The following PIK3CG variants were observed in gnomAD, a reference collection of about 807,000 sequenced individuals.
The protein encoded by PIK3CG is phosphatidylinositol 4,5-bisphosphate 3-kinase catalytic subunit gamma isoform.
PIK3CG carries 55 observed loss-of-function variants against 102.3 expected under a neutral mutation model. The ratio of observed to expected loss-of-function variants is 0.54; its 90% CI spans 0.43 to 0.67. The LOEUF is 0.67. PIK3CG is among the 30% of genes least tolerant of loss of function. The pLI is 0.00. For synonymous variants in PIK3CG, 552 were observed against 540.0 expected (o/e 1.02, Z -0.31); for missense variants, 1,258 against 1,391.8 (o/e 0.90, Z 1.53).
intron 7 of PIK3CG, 74 bp downstream of exon 7, chr7:106,882,281 A>G (rs1790964798): frequency 1.6e-6 from 1 of 618,382 alleles, no homozygotes; most frequent in South Asian, 3.0e-5. Context: ...CAGTGTAGAC[A>G]TTTAATAACT....
intron 7 of PIK3CG, 128 bp from the exon 8 acceptor site, chr7:106,882,905 T>C (rs1236083187): frequency 8.2e-6 from 6 of 731,016 alleles, no homozygotes; most frequent in South Asian, 2.1e-5. Flanking sequence ...ACCTGGAAAA[T>C]AGCTCTCTGG....
At chr7:106,876,153 A>G (rs1479013653) in intron 5 of PIK3CG, among the ~76,000 whole-genome samples, 1 of 151,272 alleles carries the variant, frequency 6.6e-6, no homozygotes, top group Non-Finnish European at 1.5e-5. Flanking sequence ...TGACCTCATG[A>G]TCCACCCGCC....
chr7:106,880,179 TCAATA>T lies in PIK3CG; in HGVS notation c.2538+515_2538+519del, dbSNP rs1790890445. Reference sequence around the variant, plus strand: ...TACTGTTAGGGCAGAAGGTGAATGGTCAATATATCAGTGCTAATTATTTTCATATT... The same window carrying T: ...TACTGTTAGGGCAGAAGGTGAATGGTTATCAGTGCTAATTATTTTCATATT... On this transcript the variant is annotated intron_variant, in intron 6 of 10. Transcript: ENST00000496166. This position sits in a 1 kb window ranked among gnomAD's most constrained non-coding sequence, Gnocchi z 4.2. 6.6e-6 allele frequency among the ~76,000 whole-genome samples: 1 copy of T among 152,220 alleles called. No homozygotes were observed. The highest frequency in any genetic ancestry group is 1.5e-5 in the Non-Finnish European group (1 of 68,034).
At chr7:106,882,998 C>T (rs2116543026) in intron 7 of PIK3CG, 35 bp from the exon 8 acceptor site, 3 of 1,610,116 alleles carry the variant, frequency 1.9e-6, no homozygotes, top group Non-Finnish European at 2.5e-6. Context: ...GTACTGGCCC[C>T]CAATCTCCAT....
In PIK3CG at chr7:106,865,924, T is replaced by A. The variant is rs17847824; in HGVS notation, c.-13+498T>A. ...TGTCAATATCAATGTATCTTACAGTTCTCTTCTTTGTTAGTTATTCTATAA... is the reference window on the plus strand; with the variant it reads ...TGTCAATATCAATGTATCTTACAGTACTCTTCTTTGTTAGTTATTCTATAA... On this transcript the variant is annotated intron_variant, in intron 1 of 10. Transcript: ENST00000496166. 40 of 152,366 alleles carry A rather than the reference T, an allele frequency of 2.6e-4. No individual in the cohort carries two copies. The East Asian group carries it at 7.3e-3, about 28-fold the overall frequency. The allele number at this position is 152,366 out of a possible 1,614,324, so 9.4% of individuals were successfully genotyped here.
At chr7:106,870,309 G>A (rs1790489272) in intron 2 of PIK3CG, among the ~76,000 whole-genome samples, 1 of 152,198 alleles carries the variant, frequency 6.6e-6, no homozygotes, top group Non-Finnish European at 1.5e-5. Context: ...GAGAGGACAA[G>A]TGATTTTTCT....
At position 106,903,054 on chromosome 7, in the gene PIK3CG, T is replaced by A. The variant is rs1243704144; in HGVS notation, c.3031-2055T>A. On this transcript the variant is annotated intron_variant, in intron 10 of 10. Transcript: ENST00000496166. This position sits in a 1 kb window ranked among gnomAD's most constrained non-coding sequence, Gnocchi z 4.3. ...CTGGTCCCATTTATCAAATAATAGA[T>A]CTTTTCCCCACCAATTTGAAAAGCC... 6.6e-6 allele frequency among the ~76,000 whole-genome samples: 1 copy of A among 152,148 alleles called. No homozygotes were observed. Among genetic ancestry groups the A allele is most frequent in the East Asian group, 1.9e-4 (1 of 5,200 alleles).
At chr7:106,875,293 G>A (rs1790686106) in intron 5 of PIK3CG, among the ~76,000 whole-genome samples, 1 of 150,664 alleles carries the variant, frequency 6.6e-6, no homozygotes, top group Non-Finnish European at 1.5e-5. Context: ...CTAGGAGGTG[G>A]AGGTTGCAGT....
chr7:106,882,481 C>T (rs1300270064), intron 7 of PIK3CG: 1 of 260,196 alleles, frequency 3.8e-6, no homozygotes, highest in Non-Finnish European at 7.2e-6. Flanking sequence ...TAAACTTTAA[C>T]TCATTTCATT....
At position 106,879,768 on chromosome 7, in the gene PIK3CG, A is replaced by G. The variant is rs1260674029; in HGVS notation, c.2538+103A>G. On this transcript the variant is annotated intron_variant, in intron 6 of 10. Transcript: ENST00000496166. This position sits in a 1 kb window ranked among gnomAD's most constrained non-coding sequence, Gnocchi z 4.9. ...GCTCTATTCCCACTCTCTTCTTTCA[A>G]GTGATGAATTGTGATCAAATATTAC... The G allele has an allele frequency of 2.3e-6, 2 of 851,318 alleles. No individual in the cohort carries two copies. The highest frequency in any genetic ancestry group is 1.8e-6 in the Non-Finnish European group (1 of 544,032). 52.7% of individuals were successfully genotyped at this position (851,318 alleles called of 1,614,324 possible). A position where few individuals can be genotyped will look rare whatever the true frequency, so the allele number is the denominator to read the frequency against.
At chr7:106,865,623 AT>A (rs2116406189) in intron 1 of PIK3CG, 197 bp downstream of exon 1, 1 of 152,316 alleles carries the variant, frequency 6.6e-6, no homozygotes, top group East Asian at 1.9e-4. Flanking sequence ...GGTGCATCAC[AT>A]TTTTGTTTTT....
intron 7 of PIK3CG, 101 bp from the exon 8 acceptor site, chr7:106,882,932 A>AAC: frequency 1.0e-6 from 1 of 982,466 alleles, no homozygotes; most frequent in Non-Finnish European, 1.4e-6. Context: ...AAAAAAAAAA[A>AAC]AAAAACCCTC....
chr7:106,899,441 A>G lies in PIK3CG; in HGVS notation c.3031-5668A>G, dbSNP rs986229573. Among the ~76,000 whole-genome samples the G allele has an allele frequency of 2.0e-5, 3 of 152,140 alleles. No individual in the cohort carries two copies. The highest frequency in any genetic ancestry group is 2.0e-4 in the Admixed American group (3 of 15,280). On this transcript the variant is annotated intron_variant, in intron 10 of 10. Coordinates refer to ENST00000496166, the MANE Select transcript of PIK3CG (RefSeq NM_001282426.2). This position sits in a 1 kb window ranked among gnomAD's most constrained non-coding sequence, Gnocchi z 4.6. Reference sequence around the variant, plus strand: ...AGAGAGGGGTTCCTTGTCTTGTGCCAGTTTTCAAGGGGAATGCTTCCAGCT... The same window carrying G: ...AGAGAGGGGTTCCTTGTCTTGTGCCGGTTTTCAAGGGGAATGCTTCCAGCT...
In PIK3CG at chr7:106,905,089, T is replaced by C. The variant is rs771441960; in HGVS notation, c.3031-20T>C. Reference sequence around the variant, plus strand: ...AGTTACCATAACAACAGTAACAGCATTTTCTTCTTCTTTATCCAGGACATC... The same window carrying C: ...AGTTACCATAACAACAGTAACAGCACTTTCTTCTTCTTTATCCAGGACATC... On this transcript the variant is annotated intron_variant, in intron 10 of 10. Transcript: ENST00000496166. This position sits in a 1 kb window ranked among gnomAD's most constrained non-coding sequence, Gnocchi z 5.6. The C allele has an allele frequency of 6.2e-7, 1 of 1,606,270 alleles. No homozygotes were observed. The highest frequency in any genetic ancestry group is 1.1e-5 in the South Asian group (1 of 90,294).
intron 9 of PIK3CG, 28 bp from the exon 10 acceptor site, chr7:106,886,107 A>G: frequency 6.2e-7 from 1 of 1,605,400 alleles, no homozygotes; most frequent in East Asian, 2.2e-5. Flanking sequence ...TGCCACTGTA[A>G]TGATGTCAGA....
rs1562803606 is a variant in PIK3CG, at chr7:106,903,541, A to ACAATAAC, written c.3031-1568_3031-1567insCAATAAC. On this transcript the variant is annotated intron_variant, in intron 10 of 10. Coordinates refer to ENST00000496166, the MANE Select transcript of PIK3CG (RefSeq NM_001282426.2). This position sits in a 1 kb window ranked among gnomAD's most constrained non-coding sequence, Gnocchi z 4.3. Reference sequence around the variant, plus strand: ...ACATGTTTTATGTGTTCATCCTAGGAATCATGTTATTGTTGTTACCATTGA... The same window carrying ACAATAAC: ...ACATGTTTTATGTGTTCATCCTAGGACAATAACATCATGTTATTGTTGTTACCATTGA... 2.0e-5 allele frequency among the ~76,000 whole-genome samples: 3 copies of ACAATAAC among 151,842 alleles called. No individual in the cohort carries two copies. The highest frequency in any genetic ancestry group is 4.4e-5 in the Non-Finnish European group (3 of 67,980).
In PIK3CG at chr7:106,867,982, C is replaced by A. The variant is rs367817179; in HGVS notation, c.421C>A (p.His141Asn). ...GGGCCAGATCCACCTGGTGCAGCGGCACCCGCCCTCCGAGGAGTCCCAAGC... is the reference window on the plus strand; with the variant it reads ...GGGCCAGATCCACCTGGTGCAGCGGAACCCGCCCTCCGAGGAGTCCCAAGC... ...SPGQIHLVQR[H>N]PPSEESQAFQ... Residue 141 changes from histidine to asparagine, a missense_variant, in exon 2 of 11, where the codon CAC (histidine) becomes AAC (asparagine). Physicochemically the swap from His to Asn is moderately conservative, Grantham distance 68 (BLOSUM62 1). This residue lies in a region of PIK3CG where 832 missense variants were observed against 787.5 expected (regional missense o/e 1.06). Transcript: ENST00000496166. This position sits in a 1 kb window ranked among gnomAD's most constrained non-coding sequence, Gnocchi z 5.1. 4.3e-6 allele frequency: 7 copies of A among 1,612,258 alleles called. No individual in the cohort carries two copies. In the East Asian group the frequency reaches 8.9e-5, roughly 21 times the overall value.
intron 6 of PIK3CG, 55 bp from the exon 7 acceptor site, chr7:106,882,062 A>T: frequency 1.4e-6 from 1 of 726,952 alleles, no homozygotes; most frequent in Non-Finnish European, 2.0e-6. Context: ...GGAGAAGAAA[A>T]ATATATTAAG....
Position 106,872,566 on chromosome 7 carries a change from C to T in PIK3CG, c.2025C>T (p.Ser675=), listed in dbSNP as rs1129293. The T allele has an allele frequency of 0.3, 479,032 of 1,609,000 alleles. 74,985 individuals carry two copies. Among genetic ancestry groups the T allele is most frequent in the Admixed American group, 0.46 (27,308 of 59,980 alleles). ...QAVKFEPYHD[S]ALARFLLKRG... ...TGAAATTTGAACCATACCATGATAG[C>T]GCCCTTGCCAGATTTCTGCTGAAGC... The change falls in exon 3 of 11, where the codon AGC becomes AGT. Residue 675 remains serine, a synonymous_variant. Coordinates refer to ENST00000496166, the MANE Select transcript of PIK3CG (RefSeq NM_001282426.2). The surrounding 1 kb of genome is among the most constrained non-coding windows in gnomAD (Gnocchi z 5.3).
Sources: allele counts gnomAD v4.1 joint callset (sites outside exome capture counted in the v4.1 genomes callset), GRCh38; gene constraint gnomAD v4.1.1; regional missense constraint gnomAD v4.1.1; non-coding constraint Gnocchi (gnomAD v3.1); transcripts MANE v1.5; gene names NCBI Gene and HGNC (gene_info 2026-07-23, HGNC 2026-07-21).